Variants in RORA observed in about 807,000 individuals in gnomAD.
RORA encodes the protein nuclear receptor ROR-alpha.
RORA carries 7 observed loss-of-function variants against 69.5 expected under a neutral mutation model. The observed-to-expected ratio is 0.10, with a 90% CI of 0.06 to 0.19. The LOEUF (loss-of-function observed/expected upper bound fraction) is 0.19, where lower values mean the gene tolerates loss of function less well. Among genes scored for constraint, RORA ranks in the 10% least tolerant of loss-of-function variants. The pLI is 1.00. For synonymous variants in RORA, 261 were observed against 240.8 expected, an observed-to-expected ratio of 1.08 and a Z score of -0.78; for missense variants, 457 against 663.0, an observed-to-expected ratio of 0.69 and a Z score of 3.41.
intron 1 of RORA, among the ~76,000 whole-genome samples, chr15:61,032,244 C>A (rs1032777293): frequency 2.6e-5 from 4 of 152,136 alleles, no homozygotes; most frequent in Non-Finnish European, 4.4e-5. Context: ...TTGTACAGAT[C>A]CCTTAGAAAG....
chr15:60,627,352 T>A, intron 2 of RORA: 2 of 1,614,154 alleles, frequency 1.2e-6, no homozygotes, highest in South Asian at 2.2e-5. Context: ...TAAGTCACTG[T>A]CTCCTGGGGC....
At chr15:60,783,220 T>C (rs918728470) in intron 1 of RORA, among the ~76,000 whole-genome samples, 4 of 152,188 alleles carry the variant, frequency 2.6e-5, no homozygotes, top group African/African-American at 9.7e-5. Flanking sequence ...GAGGATTTAC[T>C]TGAATGTTTT....
intron 1 of RORA, among the ~76,000 whole-genome samples, chr15:60,791,259 C>G (rs2072412994): frequency 6.6e-6 from 1 of 152,186 alleles, no homozygotes; most frequent in Non-Finnish European, 1.5e-5. Flanking sequence ...CCTCCCAGAG[C>G]TGTGTTAACG....
chr15:61,057,448 G>A (rs756758304), intron 1 of RORA, among the ~76,000 whole-genome samples: 4 of 152,194 alleles, frequency 2.6e-5, no homozygotes, highest in Admixed American at 1.3e-4. Context: ...CTGCTGGGAA[G>A]GCAAGCGCCT....
At chr15:60,903,919 G>A (rs780926489) in intron 1 of RORA, among the ~76,000 whole-genome samples, 4 of 152,160 alleles carry the variant, frequency 2.6e-5, no homozygotes, top group Non-Finnish European at 5.9e-5. Flanking sequence ...GGTACATTTT[G>A]CATTCATATA....
intron 2 of RORA, among the ~76,000 whole-genome samples, chr15:60,549,901 A>G (rs1299568098): frequency 1.3e-5 from 2 of 152,238 alleles, no homozygotes; most frequent in Non-Finnish European, 2.9e-5. Flanking sequence ...AATTGTAAGG[A>G]CAACATAGCT....
At chr15:60,715,249 A>C (rs1181123055) in intron 1 of RORA, among the ~76,000 whole-genome samples, 3 of 152,214 alleles carry the variant, frequency 2.0e-5, no homozygotes, top group African/African-American at 7.2e-5. Flanking sequence ...ACATACAAGG[A>C]CATAGTGAGA....
intron 1 of RORA, among the ~76,000 whole-genome samples, chr15:61,105,839 A>G (rs2078943374): frequency 6.6e-6 from 1 of 152,244 alleles, no homozygotes; most frequent in Admixed American, 6.5e-5. Context: ...CACATGGTAG[A>G]TACTAGGTAA....
intron 1 of RORA, among the ~76,000 whole-genome samples, chr15:60,750,691 C>T (rs2071711647): frequency 6.6e-6 from 1 of 152,104 alleles, no homozygotes. Context: ...TAATCTATTC[C>T]CTTTTGTGAT....
At chr15:60,730,107 A>G (rs1042570285) in intron 1 of RORA, among the ~76,000 whole-genome samples, 2 of 152,188 alleles carry the variant, frequency 1.3e-5, no homozygotes, top group African/African-American at 4.8e-5. Context: ...AGACCTTGGT[A>G]TCACTTTTAA....
intron 1 of RORA, among the ~76,000 whole-genome samples, chr15:61,130,279 T>A (rs1185357973): frequency 6.6e-6 from 1 of 152,250 alleles, no homozygotes; most frequent in Non-Finnish European, 1.5e-5. Context: ...CACATCTGAT[T>A]TCTGATGCTG....
intron 1 of RORA, among the ~76,000 whole-genome samples, chr15:61,074,526 G>C (rs2078418785): frequency 6.6e-6 from 1 of 152,180 alleles, no homozygotes; most frequent in South Asian, 2.1e-4. Context: ...CTACAAATGG[G>C]TTTAGAGTTG....
intron 2 of RORA, among the ~76,000 whole-genome samples, chr15:60,671,831 C>G (rs972528318): frequency 2.6e-5 from 4 of 151,862 alleles, no homozygotes; most frequent in African/African-American, 9.7e-5. Context: ...AGGCTGGTCT[C>G]AAACTCCTGA....
chr15:60,635,530 C>A (rs931330276), intron 2 of RORA, among the ~76,000 whole-genome samples: 16 of 152,162 alleles, frequency 1.1e-4, no homozygotes, highest in African/African-American at 3.9e-4. Context: ...CAGACATATT[C>A]AAAATCTGTG....
At chr15:61,064,977 T>A (rs2078237198) in intron 1 of RORA, among the ~76,000 whole-genome samples, 1 of 152,178 alleles carries the variant, frequency 6.6e-6, no homozygotes, top group African/African-American at 2.4e-5. Flanking sequence ...AATCACTAAG[T>A]GTTCCCAGTA....
At chr15:60,985,089 T>A (rs1894160381) in intron 1 of RORA, among the ~76,000 whole-genome samples, 2 of 152,162 alleles carry the variant, frequency 1.3e-5, no homozygotes, top group Non-Finnish European at 2.9e-5. Context: ...AAATTATAGG[T>A]GAAGAATGAA....
intron 2 of RORA, among the ~76,000 whole-genome samples, chr15:60,542,759 T>A (rs28587450): frequency 3.7e-4 from 55 of 150,446 alleles, no homozygotes; most frequent in African/African-American, 1.3e-3. Context: ...CGGGCACACC[T>A]CACACACAAG....
chr15:60,500,083 C>A (rs865888951), intron 9 of RORA, 79 bp from the exon 10 acceptor site: 14 of 835,348 alleles, frequency 1.7e-5, no homozygotes, highest in Non-Finnish European at 2.7e-5. Flanking sequence ...TCTTTTGATA[C>A]GGATAATTAT....
In RORA at chr15:60,580,419, T is replaced by C. The variant is rs565918641; in HGVS notation, c.197-48568A>G. 3.3e-5 allele frequency among the ~76,000 whole-genome samples: 5 copies of C among 152,352 alleles called. No homozygotes were observed. The East Asian group carries it at 7.7e-4, about 23-fold the overall frequency. ...TCCAGTTTTATGTTCTCAAGCATAA[T>C]TCCAATCCACCAATTTGAAATGTAT... On this transcript the variant is annotated intron_variant, in intron 2 of 10. Coordinates refer to ENST00000335670, the MANE Select transcript of RORA (RefSeq NM_134261.3).
Sources: allele counts gnomAD v4.1 joint callset (sites outside exome capture counted in the v4.1 genomes callset), GRCh38; gene constraint gnomAD v4.1.1; transcripts MANE v1.5; gene names NCBI Gene and HGNC (gene_info 2026-07-23, HGNC 2026-07-21).